RANBP2: variants seen among roughly 807,000 people sequenced by gnomAD.
RANBP2 encodes RAN binding protein 2, also known as E3 SUMO-protein ligase RanBP2.
Under a neutral mutation model 303.6 loss-of-function variants are expected in RANBP2, and 57 were observed. The observed-to-expected ratio is 0.19, with a 90% CI of 0.15 to 0.23. RANBP2 has a LOEUF of 0.23. Among genes scored for constraint, RANBP2 ranks in the 10% least tolerant of loss-of-function variants. The pLI, the probability that RANBP2 is intolerant of heterozygous loss-of-function variation, is 1.00. For missense variants in RANBP2, 3,138 were observed against 3,780.8 expected, an observed-to-expected ratio of 0.83 and a Z score of 4.46; for synonymous variants, 1,167 against 1,301.5, an observed-to-expected ratio of 0.90 and a Z score of 2.23.
chr2:109,574,367 G>A, the RANBP2 span, among the ~76,000 whole-genome samples: 1 of 147,112 alleles, frequency 6.8e-6, no homozygotes, highest in Non-Finnish European at 1.5e-5. Context: ...GATCGTTTGA[G>A]CCCACGGGTT....
the RANBP2 span, among the ~76,000 whole-genome samples, chr2:108,793,421 A>C: frequency 6.6e-6 from 1 of 152,216 alleles, no homozygotes; most frequent in African/African-American, 2.4e-5. Flanking sequence ...CTGACAGTAT[A>C]GTGCTGGCAA....
chr2:109,019,605 C>CT, the RANBP2 span, among the ~76,000 whole-genome samples: 2 of 152,166 alleles, frequency 1.3e-5, no homozygotes, highest in Non-Finnish European at 2.9e-5. Flanking sequence ...TAAGCGACCG[C>CT]TTAAGATTGG....
the RANBP2 span, among the ~76,000 whole-genome samples, chr2:108,830,716 G>T: frequency 6.6e-6 from 1 of 152,056 alleles, no homozygotes; most frequent in Non-Finnish European, 1.5e-5. Flanking sequence ...GCTGAGGCAA[G>T]AGAGTCGCTT....
At chr2:109,692,332 G>A in the RANBP2 span, among the ~76,000 whole-genome samples, 2 of 152,086 alleles carry the variant, frequency 1.3e-5, no homozygotes, top group African/African-American at 4.8e-5. Flanking sequence ...CAGAGGGGTG[G>A]CACATCTCCT....
the RANBP2 span, among the ~76,000 whole-genome samples, chr2:108,983,048 A>G: frequency 6.6e-6 from 1 of 152,328 alleles, no homozygotes; most frequent in South Asian, 2.1e-4. Flanking sequence ...ACAGAAAACC[A>G]CACTCTGCAA....
chr2:109,032,158 C>T, the RANBP2 span, among the ~76,000 whole-genome samples: 1 of 152,130 alleles, frequency 6.6e-6, no homozygotes, highest in African/African-American at 2.4e-5. Flanking sequence ...TGCCCACCTT[C>T]CCCCTGTTTT....
At chr2:109,666,658 T>G in the RANBP2 span, among the ~76,000 whole-genome samples, 1 of 152,194 alleles carries the variant, frequency 6.6e-6, no homozygotes, top group Non-Finnish European at 1.5e-5. Context: ...AGCTCTTAAT[T>G]AGAACCAGAG....
chr2:109,012,838 T>C, the RANBP2 span, among the ~76,000 whole-genome samples: 13 of 152,234 alleles, frequency 8.5e-5, no homozygotes, highest in Admixed American at 2.0e-4. Flanking sequence ...GGCGTGGACC[T>C]GGGAGGCGGA....
the RANBP2 span, among the ~76,000 whole-genome samples, chr2:108,818,208 AGGT>A: frequency 5.3e-5 from 8 of 152,090 alleles, no homozygotes; most frequent in Admixed American, 2.6e-4. Context: ...TGGGAGGCTG[AGGT>A]GGTAGGATCA....
the RANBP2 span, among the ~76,000 whole-genome samples, chr2:109,318,962 T>G: frequency 6.6e-6 from 1 of 152,236 alleles, no homozygotes; most frequent in African/African-American, 2.4e-5. Flanking sequence ...TGAGAACATT[T>G]GTATTTCAAG....
At chr2:109,378,495 G>A in the RANBP2 span, among the ~76,000 whole-genome samples, 4 of 152,300 alleles carry the variant, frequency 2.6e-5, no homozygotes, top group South Asian at 4.1e-4. Flanking sequence ...TGATGCTTCT[G>A]AGGCACCCTC....
In RANBP2 at chr2:108,783,712, T is replaced by C. The variant is rs778124996; in HGVS notation, c.9486T>C (p.Asn3162=). 24 of 1,611,926 alleles carry C rather than the reference T, an allele frequency of 1.5e-5. No individual in the cohort carries two copies. The South Asian group carries it at 2.4e-4, about 16-fold the overall frequency. The change falls in exon 29 of 29, where the codon AAT becomes AAC. Residue 3162 remains asparagine, a synonymous_variant. Transcript: ENST00000283195. ...HTGPGLLSMA[N]QGQNTNNSQF... ...GTCCTGGTTTACTATCCATGGCCAA[T>C]CAAGGCCAGAATACCAATAATTCTC...
chr2:109,405,826 G>T, the RANBP2 span, among the ~76,000 whole-genome samples: 4 of 152,234 alleles, frequency 2.6e-5, no homozygotes, highest in Non-Finnish European at 5.9e-5. Context: ...TGGGCTTTTA[G>T]GTCCTTGAAG....
the RANBP2 span, among the ~76,000 whole-genome samples, chr2:109,083,487 A>G: frequency 2.0e-5 from 3 of 152,152 alleles, no homozygotes; most frequent in African/African-American, 2.4e-5. Context: ...TCTTTTTAAG[A>G]CTGAATCATA....
chr2:108,992,105 CTG>C, the RANBP2 span, among the ~76,000 whole-genome samples: 1 of 152,202 alleles, frequency 6.6e-6, no homozygotes, highest in Admixed American at 6.5e-5. Context: ...CACCTTAAAT[CTG>C]TGTCTTAATT....
chr2:109,524,907 C>T, the RANBP2 span, among the ~76,000 whole-genome samples: 1 of 151,850 alleles, frequency 6.6e-6, no homozygotes, highest in Admixed American at 6.6e-5. Context: ...CATGGAATTC[C>T]CAAGCCCTGG....
chr2:108,738,586 A>G (rs903070458), intron 6 of RANBP2, among the ~76,000 whole-genome samples: 27 of 151,770 alleles, frequency 1.8e-4, no homozygotes, highest in Middle Eastern at 3.5e-3. Flanking sequence ...AATGTAATCC[A>G]TTAAAAATGT....
At chr2:109,201,867 T>G in the RANBP2 span, among the ~76,000 whole-genome samples, 3 of 152,250 alleles carry the variant, frequency 2.0e-5, no homozygotes, top group Non-Finnish European at 4.4e-5. Flanking sequence ...AATTATGTCC[T>G]GTGTTGCTAA....
chr2:109,118,542 G>A, the RANBP2 span, among the ~76,000 whole-genome samples: 1 of 149,708 alleles, frequency 6.7e-6, no homozygotes, highest in African/African-American at 2.5e-5. Context: ...ACCGCAGCCG[G>A]CCACTCAGCT....
Sources: allele counts gnomAD v4.1 joint callset (sites outside exome capture counted in the v4.1 genomes callset), GRCh38; gene constraint gnomAD v4.1.1; transcripts MANE v1.5; gene names NCBI Gene and HGNC (gene_info 2026-07-23, HGNC 2026-07-21).